Variants in RBFOX3 observed in about 807,000 individuals in gnomAD.
RBFOX3 encodes RNA binding protein fox-1 homolog 3.
Under a neutral mutation model 48.7 loss-of-function variants are expected in RBFOX3, and 17 were observed. The observed-to-expected ratio is 0.35, with a 90% confidence interval of 0.24 to 0.52. The LOEUF is 0.52. Among genes scored for constraint, RBFOX3 ranks in the 20% least tolerant of loss-of-function variants. RBFOX3 has a pLI of 0.94. For synonymous variants in RBFOX3, 212 were observed against 209.5 expected (o/e 1.01, Z -0.10); for missense variants, 382 against 497.5 (o/e 0.77, Z 2.21).
chr17:79,435,459 C>G (rs1293120021), intron 2 of RBFOX3, among the ~76,000 whole-genome samples: 1 of 152,224 alleles, frequency 6.6e-6, no homozygotes, highest in Non-Finnish European at 1.5e-5. Context: ...TGTGTGGCAC[C>G]CCTTGATCCT....
intron 4 of RBFOX3, among the ~76,000 whole-genome samples, chr17:79,175,884 C>T (rs1041895753): frequency 6.6e-6 from 1 of 152,240 alleles, no homozygotes; most frequent in Non-Finnish European, 1.5e-5. Context: ...ACAGACGCCC[C>T]GGCTGGAAGG....
chr17:79,141,885 G>A (rs1215159366), intron 4 of RBFOX3, among the ~76,000 whole-genome samples: 1 of 152,180 alleles, frequency 6.6e-6, no homozygotes, highest in African/African-American at 2.4e-5. Flanking sequence ...CCCCAAGGGA[G>A]CTCTGGAGAG....
In RBFOX3 at chr17:79,104,254, A is replaced by G. The variant is rs1599435903; in HGVS notation, c.361-128T>C. 3 of 883,358 alleles carry G rather than the reference A, an allele frequency of 3.4e-6. No individual in the cohort carries two copies. The East Asian group carries it at 8.0e-5, about 23-fold the overall frequency. The allele number at this position is 883,358 out of a possible 1,614,324, so 54.7% of individuals were successfully genotyped here. Reference sequence around the variant, plus strand: ...CTCTGCCCTCGGCCCCCAGCTTGGGAAAGGAGACCGGGGACCCCCTCCCAC... The same window carrying G: ...CTCTGCCCTCGGCCCCCAGCTTGGGGAAGGAGACCGGGGACCCCCTCCCAC... On this transcript the variant is annotated intron_variant, in intron 6 of 14. Coordinates refer to ENST00000693108, the MANE Select transcript of RBFOX3 (RefSeq NM_001350451.2).
intron 2 of RBFOX3, among the ~76,000 whole-genome samples, chr17:79,337,916 T>A (rs1274202329): frequency 6.6e-6 from 1 of 152,016 alleles, no homozygotes; most frequent in African/African-American, 2.4e-5. Context: ...TTCTGTTTCA[T>A]GTGTTTGCTG....
At chr17:79,451,451 GGAA>G (rs2073492403) in intron 2 of RBFOX3, among the ~76,000 whole-genome samples, 1 of 152,148 alleles carries the variant, frequency 6.6e-6, no homozygotes, top group Non-Finnish European at 1.5e-5. Flanking sequence ...AGGAAGCTGG[GGAA>G]GTCTGTTCAA....
At chr17:79,579,758 G>A (rs1056328083) in intron 1 of RBFOX3, among the ~76,000 whole-genome samples, 4 of 149,064 alleles carry the variant, frequency 2.7e-5, no homozygotes, top group South Asian at 2.2e-4. Flanking sequence ...TGGCGCCGTG[G>A]TGGGGGTGTC....
chr17:79,361,897 A>T lies in RBFOX3; in HGVS notation c.-174-54073T>A, dbSNP rs1424562451. On this transcript the variant is annotated intron_variant, in intron 2 of 14. Transcript: ENST00000693108. This position sits in a 1 kb window ranked among gnomAD's most constrained non-coding sequence, Gnocchi z 4.5. ...CTCTGTTTCTTTATTTGTTCATTAA[A>T]ACTTCAATAAAAATGTTATAAAAAT... Among the ~76,000 whole-genome samples, 2 of 152,224 alleles carry T rather than the reference A, an allele frequency of 1.3e-5. No individual in the cohort carries two copies. Among genetic ancestry groups the T allele is most frequent in the Non-Finnish European group, 2.9e-5 (2 of 68,040 alleles).
intron 9 of RBFOX3, chr17:79,098,677 G>GGTGTCCAGGCATT (rs2075868274): frequency 6.6e-6 from 1 of 152,316 alleles, no homozygotes; most frequent in Non-Finnish European, 1.5e-5. Context: ...GACACCAGCT[G>GGTGTCCAGGCATT]CCTTGCAGTG....
chr17:79,251,658 G>A (rs1370363289), intron 3 of RBFOX3, among the ~76,000 whole-genome samples: 1 of 152,142 alleles, frequency 6.6e-6, no homozygotes, highest in Non-Finnish European at 1.5e-5. Context: ...CTTGATCCTG[G>A]CTCAGAAACC....
intron 2 of RBFOX3, among the ~76,000 whole-genome samples, chr17:79,314,852 G>C (rs956926868): frequency 2.0e-5 from 3 of 151,940 alleles, no homozygotes; most frequent in Admixed American, 6.6e-5. Flanking sequence ...GTGTAGGGGA[G>C]GGGAACGGGG....
chr17:79,620,183 A>G, the RBFOX3 span, among the ~76,000 whole-genome samples: 2,981 of 139,336 alleles, frequency 0.021, 98 homozygotes, highest in African/African-American at 0.072. Context: ...ATGCACACAC[A>G]TGTGCACATG....
intron 4 of RBFOX3, among the ~76,000 whole-genome samples, chr17:79,171,312 G>A (rs563985519): frequency 7.9e-5 from 12 of 152,294 alleles, no homozygotes; most frequent in South Asian, 2.1e-4. Flanking sequence ...AACATCACCC[G>A]TGGCTTCACC....
intron 4 of RBFOX3, among the ~76,000 whole-genome samples, chr17:79,233,087 G>A (rs948205069): frequency 1.3e-5 from 2 of 152,176 alleles, no homozygotes; most frequent in African/African-American, 4.8e-5. Context: ...GCCCCAGACT[G>A]GAAACAGCCC....
intron 3 of RBFOX3, among the ~76,000 whole-genome samples, chr17:79,294,738 A>G (rs914210634): frequency 1.3e-5 from 2 of 152,172 alleles, no homozygotes; most frequent in African/African-American, 4.8e-5. Flanking sequence ...CACGTGGAGG[A>G]GGCCTTGGTT....
intron 1 of RBFOX3, among the ~76,000 whole-genome samples, chr17:79,592,415 C>T (rs1346378102): frequency 2.0e-5 from 3 of 150,360 alleles, no homozygotes; most frequent in Non-Finnish European, 3.0e-5. Flanking sequence ...TATGGGCACA[C>T]GTGTGCATGT....
chr17:79,219,686 G>A lies in RBFOX3; in HGVS notation c.-34+16080C>T, dbSNP rs184990772. On this transcript the variant is annotated intron_variant, in intron 4 of 14. Coordinates refer to ENST00000693108, the MANE Select transcript of RBFOX3 (RefSeq NM_001350451.2). ...TCCCCAGGGCCTCTGCAAGCTGCTC[G>A]TGTCTGGGCTCAGAGCTCCGGGGAG... Among the ~76,000 whole-genome samples, 7 of 152,166 alleles carry A rather than the reference G, an allele frequency of 4.6e-5. No individual in the cohort carries two copies. The East Asian group carries it at 9.7e-4, about 21-fold the overall frequency.
chr17:79,417,011 G>T (rs12943496), intron 2 of RBFOX3, among the ~76,000 whole-genome samples: 1 of 152,056 alleles, frequency 6.6e-6, no homozygotes, highest in Non-Finnish European at 1.5e-5. Flanking sequence ...AGCAGGGTTC[G>T]CATGGCAGGG....
At chr17:79,637,950 A>G in the RBFOX3 span, among the ~76,000 whole-genome samples, 1 of 152,202 alleles carries the variant, frequency 6.6e-6, no homozygotes, top group Non-Finnish European at 1.5e-5. Flanking sequence ...AAATTAGAAA[A>G]TTCACAAATA....
At chr17:79,263,588 C>T (rs1392590279) in intron 3 of RBFOX3, among the ~76,000 whole-genome samples, 1 of 152,114 alleles carries the variant, frequency 6.6e-6, no homozygotes, top group South Asian at 2.1e-4. Context: ...GTGAGCCACC[C>T]CCACCTGCTC....
Sources: allele counts gnomAD v4.1 joint callset (sites outside exome capture counted in the v4.1 genomes callset), GRCh38; gene constraint gnomAD v4.1.1; non-coding constraint Gnocchi (gnomAD v3.1); transcripts MANE v1.5; gene names NCBI Gene and HGNC (gene_info 2026-07-23, HGNC 2026-07-21).